The following TRMT11 variants were observed in gnomAD, a reference collection of about 807,000 sequenced individuals.
The protein encoded by TRMT11 is tRNA methyltransferase 11.
TRMT11 carries 53 observed loss-of-function variants against 62.8 expected under a neutral mutation model. The observed-to-expected ratio is 0.84, with a 90% confidence interval of 0.68 to 1.06. The LOEUF (loss-of-function observed/expected upper bound fraction) is 1.06, where lower values mean the gene tolerates loss of function less well. TRMT11 is among the 50% of genes least tolerant of loss of function. The pLI, the probability that TRMT11 is intolerant of heterozygous loss-of-function variation, is 0.00. For synonymous variants in TRMT11, 188 were observed against 190.3 expected (o/e 0.99, Z 0.10); for missense variants, 556 against 553.4 (o/e 1.00, Z -0.05).
At chr6:126,214,171 T>C in the TRMT11 span, among the ~76,000 whole-genome samples, 1 of 149,332 alleles carries the variant, frequency 6.7e-6, no homozygotes, top group Non-Finnish European at 1.5e-5. Flanking sequence ...TGCATTAACA[T>C]TCATCAGTGA....
Position 126,011,250 on chromosome 6 carries a change from C to T in TRMT11, c.761-3C>T. On this transcript the variant is annotated splice_polypyrimidine_tract_variant and splice_region_variant and intron_variant, in intron 8 of 12. Transcript: ENST00000334379. ...TTCTCTCTTCCTTTTTCTTTCCCTT[C>T]AGGAAAGGCTACTAGGAAAAACCAG... 4 of 1,604,164 alleles carry T rather than the reference C, an allele frequency of 2.5e-6. No homozygotes were observed. Among genetic ancestry groups the T allele is most frequent in the South Asian group, 2.2e-5 (2 of 88,994 alleles).
intron 1 of TRMT11, among the ~76,000 whole-genome samples, chr6:126,192,280 A>G (rs1171013827): frequency 6.6e-6 from 1 of 152,048 alleles, no homozygotes; most frequent in African/African-American, 2.4e-5. Flanking sequence ...TGATTTTTGT[A>G]TGTTGATTTC....
At chr6:126,185,189 A>G (rs1008131470) in intron 1 of TRMT11, among the ~76,000 whole-genome samples, 3 of 152,116 alleles carry the variant, frequency 2.0e-5, no homozygotes, top group Non-Finnish European at 4.4e-5. Context: ...CTTGATTCAT[A>G]TATTTATTTG....
chr6:126,058,812 T>C (rs960667754), intron 17 of TRMT11, among the ~76,000 whole-genome samples: 13 of 152,146 alleles, frequency 8.5e-5, no homozygotes, highest in Admixed American at 5.2e-4. Flanking sequence ...GCAAATAAGC[T>C]GGAAAATCTT....
intron 17 of TRMT11, among the ~76,000 whole-genome samples, chr6:126,095,099 G>A (rs887956539): frequency 1.3e-5 from 2 of 152,108 alleles, no homozygotes; most frequent in Non-Finnish European, 2.9e-5. Flanking sequence ...TAGGTCTGGC[G>A]CTGACCTTGT....
At chr6:126,164,627 C>G (rs1421199538) in intron 21 of TRMT11, among the ~76,000 whole-genome samples, 1 of 152,184 alleles carries the variant, frequency 6.6e-6, no homozygotes, top group East Asian at 1.9e-4. Context: ...TTGTAGGTCT[C>G]TAAGAACTTG....
the TRMT11 span, among the ~76,000 whole-genome samples, chr6:126,221,553 T>A: frequency 6.6e-6 from 1 of 152,236 alleles, no homozygotes; most frequent in Non-Finnish European, 1.5e-5. Context: ...TGTGTATATG[T>A]CTTCTTTTGA....
chr6:126,271,363 C>CAAAAAAAAAAAAAA, the TRMT11 span, among the ~76,000 whole-genome samples: 3 of 36,274 alleles, frequency 8.3e-5, no homozygotes, highest in East Asian at 1.0e-3. Context: ...GACTCCATCT[C>CAAAAAAAAAAAAAA]AAAAAAAAAA....
At chr6:126,115,506 G>A (rs1372786495) in intron 20 of TRMT11, among the ~76,000 whole-genome samples, 5 of 152,046 alleles carry the variant, frequency 3.3e-5, no homozygotes, top group Non-Finnish European at 7.4e-5. Context: ...AATTTCCTTA[G>A]CCCTCAAAAT....
chr6:126,185,363 T>C (rs1318755833), intron 1 of TRMT11, among the ~76,000 whole-genome samples: 1 of 152,152 alleles, frequency 6.6e-6, no homozygotes, highest in African/African-American at 2.4e-5. Flanking sequence ...ACTCTTCAGC[T>C]TCTAGAATGG....
chr6:126,149,465 T>TTAC lies in TRMT11; in HGVS notation c.*1824-25359_*1824-25357dup, dbSNP rs1485609223. On this transcript the variant is annotated intron_variant and NMD_transcript_variant, in intron 21 of 22. Coordinates refer to the TRMT11 transcript ENST00000648977. ...TCAGTGATATTATTTAATATTGTCC[T>TTAC]TACAATCACCCTCTGAAGTATGCAT... Among the ~76,000 whole-genome samples, 4 of 152,302 alleles carry TTAC rather than the reference T, an allele frequency of 2.6e-5. No homozygotes were observed. In the East Asian group the frequency reaches 7.7e-4, roughly 29 times the overall value.
At chr6:126,026,711 A>G (rs972271052) in intron 12 of TRMT11, among the ~76,000 whole-genome samples, 1 of 150,570 alleles carries the variant, frequency 6.6e-6, no homozygotes, top group Non-Finnish European at 1.5e-5. Flanking sequence ...CTTGAGTGAC[A>G]TATTACTAGT....
At chr6:126,034,643 G>A (rs1478349553) in intron 12 of TRMT11, among the ~76,000 whole-genome samples, 1 of 152,056 alleles carries the variant, frequency 6.6e-6, no homozygotes, top group Non-Finnish European at 1.5e-5. Context: ...TAATTCTTGT[G>A]TGTTTTTATT....
intron 17 of TRMT11, among the ~76,000 whole-genome samples, chr6:126,080,114 T>TTGTTGTTG (rs529170459): frequency 4.0e-5 from 6 of 151,642 alleles, no homozygotes; most frequent in African/African-American, 1.5e-4. Context: ...TGTTGTTGTT[T>TTGTTGTTG]TTTTAGAGAC....
At chr6:126,174,386 T>A (rs117582686), upstream of TRMT11, among the ~76,000 whole-genome samples, 3 of 152,244 alleles carry the variant, frequency 2.0e-5, no homozygotes, top group Non-Finnish European at 4.4e-5. Context: ...ATTTCGTATC[T>A]GTACTTCTTG....
At chr6:126,134,453 T>C (rs1467012222) in intron 21 of TRMT11, among the ~76,000 whole-genome samples, 3 of 151,838 alleles carry the variant, frequency 2.0e-5, no homozygotes, top group African/African-American at 4.8e-5. Flanking sequence ...GGACATACCA[T>C]AGTAAATACA....
intron 17 of TRMT11, among the ~76,000 whole-genome samples, chr6:126,085,794 T>C (rs1169584957): frequency 6.6e-6 from 1 of 152,218 alleles, no homozygotes; most frequent in Non-Finnish European, 1.5e-5. Context: ...CCAAACACTC[T>C]GTACATCAGA....
At chr6:126,051,543 G>A (rs939212269) in intron 16 of TRMT11, among the ~76,000 whole-genome samples, 5 of 152,140 alleles carry the variant, frequency 3.3e-5, no homozygotes, top group African/African-American at 4.8e-5. Context: ...TTGTCATGGA[G>A]GTAGATATGA....
intron 21 of TRMT11, among the ~76,000 whole-genome samples, chr6:126,123,849 G>A (rs969347942): frequency 2.0e-5 from 3 of 151,764 alleles, no homozygotes; most frequent in South Asian, 2.1e-4. Context: ...GATTAGGTTT[G>A]TTGTTGTTGT....
Sources: gnomAD v4.1 joint callset for allele counts (sites outside exome capture counted in the v4.1 genomes callset) on GRCh38, gnomAD v4.1.1 for gene constraint, MANE v1.5 for transcripts, NCBI Gene and HGNC (gene_info 2026-07-23, HGNC 2026-07-21) for gene names.